Variants in NOMO1 observed in about 807,000 individuals in gnomAD.
NOMO1 encodes the protein nodal modulator 3.
A neutral mutation model predicts 133.8 loss-of-function variants in NOMO1; 40 were observed. The observed-to-expected ratio is 0.30, with a 90% CI of 0.23 to 0.39. NOMO1 has a LOEUF of 0.39. Ranked by LOEUF, NOMO1 falls within the 10% of genes least tolerant of loss-of-function variation. The pLI is 1.00. For missense variants in NOMO1, 462 were observed against 1,419.9 expected (o/e 0.33, Z 10.84); for synonymous variants, 236 against 570.5 (o/e 0.41, Z 8.36).
At chr16:14,852,368 ATGT>A in intron 6 of NOMO1, 59 bp from the exon 7 acceptor site, 1 of 1,565,278 alleles carries the variant, frequency 6.4e-7, no homozygotes, top group East Asian at 2.3e-5. Context: ...GCATGTCCTC[ATGT>A]TGTTAGGCAC....
chr16:14,891,518 G>A (rs941804871), intron 29 of NOMO1, among the ~76,000 whole-genome samples: 1 of 151,760 alleles, frequency 6.6e-6, no homozygotes, highest in African/African-American at 2.4e-5. Context: ...GCTTTTACAG[G>A]AATTTATTGT....
intron 2 of NOMO1, among the ~76,000 whole-genome samples, chr16:14,839,813 C>T (rs1963579249): frequency 2.6e-5 from 4 of 151,434 alleles, no homozygotes; most frequent in Admixed American, 2.6e-4. Flanking sequence ...GCGATCTCGG[C>T]TCACTGCAAC....
At chr16:14,856,337 T>G (rs1185454891) in intron 9 of NOMO1, among the ~76,000 whole-genome samples, 1 of 151,624 alleles carries the variant, frequency 6.6e-6, no homozygotes, top group African/African-American at 2.4e-5. Flanking sequence ...CACAGGCGAG[T>G]GGGGCACAGA....
At chr16:14,889,683 G>A (rs1446212143) in intron 29 of NOMO1, among the ~76,000 whole-genome samples, 3 of 151,550 alleles carry the variant, frequency 2.0e-5, no homozygotes, top group African/African-American at 7.3e-5. Context: ...TCTGCCTTCT[G>A]GATTCTGGGC....
chr16:14,836,639 C>T (rs13330147), intron 1 of NOMO1, among the ~76,000 whole-genome samples: 3,233 of 149,696 alleles, frequency 0.022, 2 homozygotes, highest in African/African-American at 0.076. Flanking sequence ...ACTGTGTTGC[C>T]TTTTTCTTCA....
At chr16:14,860,799 G>A (rs1207958975) in intron 11 of NOMO1, among the ~76,000 whole-genome samples, 1 of 151,998 alleles carries the variant, frequency 6.6e-6, no homozygotes, top group African/African-American at 2.4e-5. Flanking sequence ...TTTTTTAATT[G>A]GCCGACGTAG....
intron 23 of NOMO1, among the ~76,000 whole-genome samples, chr16:14,879,154 G>A (rs1019138627): frequency 6.6e-6 from 1 of 151,946 alleles, no homozygotes; most frequent in African/African-American, 2.4e-5. Context: ...TTATGATGCT[G>A]AGTCTTGTTT....
intron 11 of NOMO1, among the ~76,000 whole-genome samples, chr16:14,860,585 GA>G (rs1963909819): frequency 6.6e-6 from 1 of 151,868 alleles, no homozygotes; most frequent in South Asian, 2.1e-4. Context: ...GCGAGGAGTA[GA>G]TGGATTTGGT....
rs555474095 is a variant in NOMO1 at position 14,882,656 on chromosome 16, C to T, written c.3090C>T (p.Leu1030=). Residue 1030 remains leucine, a synonymous_variant, in exon 26 of 31, where the codon CTC becomes CTT. Coordinates refer to ENST00000287667, the MANE Select transcript of NOMO1 (RefSeq NM_014287.4). ...GCAACGACCACATTGAGCGGGCGCT[C>T]CCCCACCATAGGGTGATTGAGGTAA... ...AEGNDHIERA[L]PHHRVIEVGN... The T allele has an allele frequency of 6.2e-4, 1,007 of 1,611,628 alleles. 21 individuals are homozygous for T. The East Asian group carries it at 0.015, about 24-fold the overall frequency.
At chr16:14,843,315 G>A (rs571219463) in intron 3 of NOMO1, among the ~76,000 whole-genome samples, 56 of 145,150 alleles carry the variant, frequency 3.9e-4, no homozygotes, top group Middle Eastern at 3.5e-3. Context: ...TAAGAGCAGT[G>A]CTCCTGTGAA....
chr16:14,856,276 C>T (rs946307417), intron 9 of NOMO1, among the ~76,000 whole-genome samples: 1 of 151,986 alleles, frequency 6.6e-6, no homozygotes, highest in African/African-American at 2.4e-5. Flanking sequence ...TGGGGATACA[C>T]AGATCAGGGC....
intron 6 of NOMO1, among the ~76,000 whole-genome samples, chr16:14,850,110 G>A (rs1331387677): frequency 6.8e-6 from 1 of 147,700 alleles, no homozygotes; most frequent in Non-Finnish European, 1.5e-5. Context: ...TGCTCTTGTT[G>A]CCCAGGCTGG....
intron 22 of NOMO1, among the ~76,000 whole-genome samples, 157 bp from the exon 23 acceptor site, chr16:14,878,564 T>C (rs1486892303): frequency 4.1e-4 from 58 of 142,934 alleles, no homozygotes; most frequent in African/African-American, 1.5e-3. Context: ...CTTACAACAG[T>C]AGTTACCTGT....
intron 28 of NOMO1, among the ~76,000 whole-genome samples, chr16:14,887,585 C>T (rs1964345276): frequency 1.3e-5 from 2 of 151,968 alleles, no homozygotes; most frequent in African/African-American, 4.8e-5. Context: ...CAGGCGTGAG[C>T]CCCCGTGCCT....
chr16:14,840,708 C>T (rs1386078766), intron 2 of NOMO1, among the ~76,000 whole-genome samples: 1 of 149,270 alleles, frequency 6.7e-6, no homozygotes, highest in East Asian at 2.0e-4. Flanking sequence ...GCTGCCCATG[C>T]TGGAGTGCAG....
intron 1 of NOMO1, among the ~76,000 whole-genome samples, chr16:14,836,609 G>A (rs1421522643): frequency 2.0e-5 from 3 of 151,158 alleles, no homozygotes; most frequent in East Asian, 1.9e-4. Context: ...CTTGAGCCCA[G>A]TATGTTCCCT....
chr16:14,864,725 G>A lies in NOMO1; in HGVS notation c.1536G>A (p.Leu512=), dbSNP rs1391049268. ...LASVSGKVSC[L]DTCGDLLVTL... ...CAGTTTCTGGGAAAGTCTCTTGTTT[G>A]GGTAAGATATCACTGGAAAGTAAGA... Residue 512 remains leucine, a splice_region_variant and synonymous_variant, in exon 13 of 31, where the codon TTG becomes TTA. Transcript: ENST00000287667. 6.2e-7 allele frequency: 1 copy of A among 1,613,554 alleles called. No homozygotes were observed. Among genetic ancestry groups the A allele is most frequent in the South Asian group, 1.1e-5 (1 of 91,048 alleles).
Position 14,882,861 on chromosome 16 carries a change from G to A in NOMO1, c.3111+184G>A, listed in dbSNP as rs148116555. ...CTTATGTGGGTTTTTAATGAACAGC[G>A]TTGCTGTCATGCATCCAGAAAGGAA... On this transcript the variant is annotated intron_variant, in intron 26 of 30. Transcript: ENST00000287667. Among the ~76,000 whole-genome samples the A allele has an allele frequency of 9.2e-5, 14 of 152,104 alleles. 1 individual carries two copies. The East Asian group carries it at 1.4e-3, about 15-fold the overall frequency.
At chr16:14,889,671 A>C (rs915582006) in intron 29 of NOMO1, among the ~76,000 whole-genome samples, 6 of 151,624 alleles carry the variant, frequency 4.0e-5, no homozygotes, top group African/African-American at 1.5e-4. Flanking sequence ...TCACTTTCTC[A>C]TTCTGCCTTC....
Sources: allele counts gnomAD v4.1 joint callset (sites outside exome capture counted in the v4.1 genomes callset), GRCh38; gene constraint gnomAD v4.1.1; transcripts MANE v1.5; gene names NCBI Gene and HGNC (gene_info 2026-07-23, HGNC 2026-07-21).